The following KCNIP4 variants were observed in gnomAD, a reference collection of about 807,000 sequenced individuals.
KCNIP4 encodes the protein potassium voltage-gated channel interacting protein 4, also known as Kv channel-interacting protein 4.
In KCNIP4, 12 loss-of-function variants were observed where a neutral mutation model predicts 34.0. That is an observed-to-expected ratio of 0.35 (90% CI 0.23 to 0.57). The LOEUF is 0.57. Among genes scored for constraint, KCNIP4 ranks in the 20% least tolerant of loss-of-function variants. The pLI, the probability that KCNIP4 is intolerant of heterozygous loss-of-function variation, is 0.83. For synonymous variants in KCNIP4, 124 were observed against 102.2 expected, an observed-to-expected ratio of 1.21 and a Z score of -1.29; for missense variants, 238 against 311.7, an observed-to-expected ratio of 0.76 and a Z score of 1.78.
chr4:20,943,441 C>G (rs1731864734), intron 1 of KCNIP4, among the ~76,000 whole-genome samples: 1 of 152,172 alleles, frequency 6.6e-6, no homozygotes, highest in Non-Finnish European at 1.5e-5. Context: ...GGTTTCAAAT[C>G]CTTGCTCTGC....
chr4:21,106,457 T>A (rs1748544885), intron 1 of KCNIP4, among the ~76,000 whole-genome samples: 1 of 151,640 alleles, frequency 6.6e-6, no homozygotes, highest in Admixed American at 6.6e-5. Flanking sequence ...CCTTTATCAT[T>A]TTTTATCGCA....
chr4:21,006,833 A>C (rs905163788), intron 1 of KCNIP4, among the ~76,000 whole-genome samples: 1 of 152,146 alleles, frequency 6.6e-6, no homozygotes, highest in Non-Finnish European at 1.5e-5. Context: ...GTCATGGCGG[A>C]CCTAACTTGG....
intron 1 of KCNIP4, among the ~76,000 whole-genome samples, chr4:21,340,577 C>T (rs1026136816): frequency 1.3e-5 from 2 of 152,040 alleles, no homozygotes; most frequent in African/African-American, 4.8e-5. Flanking sequence ...CATTATCACA[C>T]ACATCTTCTA....
At chr4:21,922,076 T>G (rs1468862197) in intron 1 of KCNIP4, among the ~76,000 whole-genome samples, 4 of 152,178 alleles carry the variant, frequency 2.6e-5, no homozygotes, top group African/African-American at 9.7e-5. Context: ...TAATCCCAGT[T>G]TATTCTGCTT....
intron 1 of KCNIP4, among the ~76,000 whole-genome samples, chr4:21,212,645 T>G (rs1219183481): frequency 6.6e-6 from 1 of 152,292 alleles, no homozygotes; most frequent in East Asian, 1.9e-4. Context: ...ATATGGCATC[T>G]GGTGAGGGCC....
At chr4:21,913,437 C>T (rs1292453194) in intron 1 of KCNIP4, among the ~76,000 whole-genome samples, 1 of 151,826 alleles carries the variant, frequency 6.6e-6, no homozygotes, top group East Asian at 1.9e-4. Flanking sequence ...TATTCCTCCC[C>T]ACCATGAGGG....
intron 1 of KCNIP4, among the ~76,000 whole-genome samples, chr4:21,147,031 A>G (rs1752406905): frequency 6.6e-6 from 1 of 152,130 alleles, no homozygotes; most frequent in South Asian, 2.1e-4. Context: ...ATACTTCTAC[A>G]CACTTTGCTC....
intron 1 of KCNIP4, among the ~76,000 whole-genome samples, chr4:21,780,851 T>C (rs1308440966): frequency 6.6e-6 from 1 of 152,196 alleles, no homozygotes; most frequent in Non-Finnish European, 1.5e-5. Context: ...CTGAAGCTGC[T>C]AGGGGAGAAT....
At chr4:21,696,404 T>G (rs960161926) in intron 1 of KCNIP4, among the ~76,000 whole-genome samples, 3 of 152,154 alleles carry the variant, frequency 2.0e-5, no homozygotes, top group Admixed American at 6.5e-5. Context: ...CATCCTTACT[T>G]ACAGTGTGTG....
At chr4:20,963,103 T>C (rs1734002999) in intron 1 of KCNIP4, among the ~76,000 whole-genome samples, 1 of 151,988 alleles carries the variant, frequency 6.6e-6, no homozygotes, top group Non-Finnish European at 1.5e-5. Context: ...GGCAGATCAC[T>C]TGAGGTGAGG....
rs112213814 is a variant in KCNIP4, at chr4:21,132,268, G to A, written c.62-249559C>T. 1.3e-5 allele frequency among the ~76,000 whole-genome samples: 2 copies of A among 152,240 alleles called. 1 individual carries two copies. The highest frequency in any genetic ancestry group is 4.8e-5 in the African/African-American group (2 of 41,530). On this transcript the variant is annotated intron_variant, in intron 1 of 8. Transcript: ENST00000382152. ...GTTCTTCTATCACTTACTATTAAAA[G>A]TTTTGTCCCTTTGACAGAATCAGAT...
At chr4:21,005,613 C>T (rs1400753039) in intron 1 of KCNIP4, among the ~76,000 whole-genome samples, 2 of 152,008 alleles carry the variant, frequency 1.3e-5, no homozygotes, top group African/African-American at 4.8e-5. Flanking sequence ...AGAACTCAGA[C>T]CAAATGAGTT....
intron 1 of KCNIP4, among the ~76,000 whole-genome samples, chr4:20,987,914 C>T (rs1301953955): frequency 1.4e-5 from 2 of 146,676 alleles, no homozygotes; most frequent in Non-Finnish European, 3.0e-5. Flanking sequence ...GGCAGGAGTA[C>T]CTCGTGAACC....
chr4:20,898,699 A>G (rs143328065), intron 1 of KCNIP4, among the ~76,000 whole-genome samples: 235 of 152,306 alleles, frequency 1.5e-3, no homozygotes, highest in Non-Finnish European at 2.6e-3. Context: ...AAGAAACTGA[A>G]TAAATAACTG....
chr4:21,474,826 C>A lies in KCNIP4; in HGVS notation c.61+473745G>T, dbSNP rs138379388. 7.3e-3 allele frequency among the ~76,000 whole-genome samples: 1,104 copies of A among 150,518 alleles called. 10 individuals are homozygous for A. The highest frequency in any genetic ancestry group is 0.025 in the African/African-American group (1,012 of 41,204). ...CCTGGCCAACATGGTGAAACCCAGT[C>A]TCTACTAAAAATAATAAAAAAAAAA... On this transcript the variant is annotated intron_variant, in intron 1 of 8. Coordinates refer to ENST00000382152, the MANE Select transcript of KCNIP4 (RefSeq NM_025221.6).
intron 1 of KCNIP4, among the ~76,000 whole-genome samples, chr4:21,178,830 T>TG (rs1024318081): frequency 2.7e-5 from 4 of 150,006 alleles, no homozygotes; most frequent in African/African-American, 7.5e-5. Context: ...TTTTTTTTTT[T>TG]TTTTGTTTTG....
intron 1 of KCNIP4, among the ~76,000 whole-genome samples, chr4:20,939,441 C>G (rs1731410327): frequency 6.6e-6 from 1 of 151,736 alleles, no homozygotes; most frequent in African/African-American, 2.4e-5. Context: ...TGGTGCAATC[C>G]CAGCTCACTG....
chr4:20,906,134 TTCTCTC>T (rs375623212), intron 1 of KCNIP4, among the ~76,000 whole-genome samples: 2 of 136,966 alleles, frequency 1.5e-5, no homozygotes, highest in African/African-American at 3.3e-5. Flanking sequence ...CTCTTTCTCT[TTCTCTC>T]TCTCTTGTCG....
At chr4:21,444,320 A>C (rs1489455181) in intron 1 of KCNIP4, among the ~76,000 whole-genome samples, 3 of 152,256 alleles carry the variant, frequency 2.0e-5, no homozygotes, top group African/African-American at 4.8e-5. Context: ...GAGATACAAC[A>C]AAAAAAGAGA....
Sources: gnomAD v4.1 joint callset for allele counts (sites outside exome capture counted in the v4.1 genomes callset) on GRCh38, gnomAD v4.1.1 for gene constraint, MANE v1.5 for transcripts, NCBI Gene and HGNC (gene_info 2026-07-23, HGNC 2026-07-21) for gene names.